Variants in KAT14 observed in about 807,000 individuals in gnomAD.
The protein encoded by KAT14 is cysteine-rich protein 2-binding protein.
In KAT14, 66 loss-of-function variants were observed where a neutral mutation model predicts 78.4. The observed-to-expected ratio is 0.84, with a 90% CI of 0.69 to 1.03. KAT14 has a LOEUF of 1.03. Ranked by LOEUF, KAT14 falls within the 50% of genes least tolerant of loss-of-function variation. The pLI is 0.00. For missense variants in KAT14, 870 were observed against 972.5 expected (o/e 0.89, Z 1.40); for synonymous variants, 344 against 359.4 (o/e 0.96, Z 0.48).
intron 4 of KAT14, among the ~76,000 whole-genome samples, chr20:18,152,833 T>C (rs2038097178): frequency 6.6e-6 from 1 of 152,264 alleles, no homozygotes; most frequent in African/African-American, 2.4e-5. Context: ...GTGTTTATCA[T>C]TGCGCTTTGA....
intron 7 of KAT14, among the ~76,000 whole-genome samples, chr20:18,169,878 C>G (rs985086344): frequency 1.3e-5 from 2 of 152,190 alleles, no homozygotes; most frequent in African/African-American, 4.8e-5. Flanking sequence ...GAGTGCACAA[C>G]TGATAAAAAA....
intron 4 of KAT14, among the ~76,000 whole-genome samples, chr20:18,154,399 G>A (rs1429491709): frequency 2.0e-5 from 3 of 151,982 alleles, no homozygotes; most frequent in Non-Finnish European, 2.9e-5. Flanking sequence ...TGCAACCTCC[G>A]CCTCCCAGGT....
rs1250356204 is a variant in KAT14, at chr20:18,164,940, GTTCTTA to G, written c.1668+2001_1668+2006del. 2.6e-5 allele frequency among the ~76,000 whole-genome samples: 4 copies of G among 152,074 alleles called. No individual in the cohort carries two copies. The East Asian group carries it at 7.7e-4, about 29-fold the overall frequency. On this transcript the variant is annotated intron_variant, in intron 7 of 10. Coordinates refer to ENST00000688188, the MANE Select transcript of KAT14 (RefSeq NM_001392073.1). ...CCTGGCCAATATTCACCTGTTCTTTGTTCTTATTCTTGTGGGCCTGTCTGTTTACTG... is the reference window on the plus strand; with the variant it reads ...CCTGGCCAATATTCACCTGTTCTTTGTTCTTGTGGGCCTGTCTGTTTACTG...
chr20:18,142,229 A>G lies in KAT14; in HGVS notation c.-432A>G. On this transcript the variant is annotated 5_prime_UTR_variant, in exon 2 of 11. Coordinates refer to ENST00000688188, the MANE Select transcript of KAT14 (RefSeq NM_001392073.1). ...TTAGAGGCTTCGTGACGGAGTTATCAGAGACATTGAGAGGCAAATTCGGAA... is the reference window on the plus strand; with the variant it reads ...TTAGAGGCTTCGTGACGGAGTTATCGGAGACATTGAGAGGCAAATTCGGAA... 2.0e-6 allele frequency: 3 copies of G among 1,537,222 alleles called. No individual in the cohort carries two copies. Among genetic ancestry groups the G allele is most frequent in the South Asian group, 1.2e-5 (1 of 84,064 alleles).
chr20:18,183,256 ATCCCAACGATCAACTCCATGTG>A lies in KAT14; in HGVS notation c.1942_1963del (p.Pro648ArgfsTer39). ...TTACTGTTATGTGCGGCCAAATCAC[ATCCCAACGATCAACTCCATGTG>A]TCAGGAGTTTTTTTGGCCTGGTATG... On this transcript the variant is annotated frameshift_variant, in exon 9 of 11. Coordinates refer to ENST00000688188, the MANE Select transcript of KAT14 (RefSeq NM_001392073.1). LOFTEE classifies it high-confidence loss of function. 6.2e-7 allele frequency: 1 copy of A among 1,613,994 alleles called. No individual in the cohort carries two copies. Among genetic ancestry groups the A allele is most frequent in the South Asian group, 1.1e-5 (1 of 91,056 alleles).
intron 4 of KAT14, among the ~76,000 whole-genome samples, chr20:18,151,706 AT>A (rs910355891): frequency 1.3e-5 from 2 of 151,794 alleles, no homozygotes; most frequent in African/African-American, 4.8e-5. Flanking sequence ...CTTTTTTAAG[AT>A]TAAAAAAAAA....
Position 18,160,657 on chromosome 20 carries a change from G to C in KAT14, c.683-1166G>C, listed in dbSNP as rs1020080052. Among the ~76,000 whole-genome samples, 5 of 151,660 alleles carry C rather than the reference G, an allele frequency of 3.3e-5. No individual in the cohort carries two copies. The East Asian group carries it at 9.7e-4, about 29-fold the overall frequency. ...AGATAGGGTCTCGCCATGTTTCCTG[G>C]GCTGGTCTTGAACTGTTGGGCTCAA... On this transcript the variant is annotated intron_variant, in intron 5 of 10. Coordinates refer to ENST00000688188, the MANE Select transcript of KAT14 (RefSeq NM_001392073.1).
chr20:18,138,353 T>C (rs1050252337), intron 1 of KAT14: 1 of 1,088,464 alleles, frequency 9.2e-7, no homozygotes, highest in Non-Finnish European at 1.1e-6. Flanking sequence ...ACGCAAGCTT[T>C]TGGGGTGCCC....
Position 18,162,678 on chromosome 20 carries a change from A to T in KAT14, c.1401A>T (p.Glu467Asp), listed in dbSNP as rs746779240. 6.2e-7 allele frequency: 1 copy of T among 1,614,250 alleles called. No individual in the cohort carries two copies. The highest frequency in any genetic ancestry group is 8.5e-7 in the Non-Finnish European group (1 of 1,180,038). The change falls in exon 7 of 11, where the codon GAA (glutamate) becomes GAT (aspartate). Residue 467 changes from glutamate (E) to aspartate (D), a missense_variant. By Grantham distance (45) the Glu-to-Asp change is conservative. Transcript: ENST00000688188. Reference sequence around the variant, plus strand: ...ATACTCCCGTGAGCATCTACGAGGAAAAGCTGCTGCTCAAGAGGCTGGAAG... The same window carrying T: ...ATACTCCCGTGAGCATCTACGAGGATAAGCTGCTGCTCAAGAGGCTGGAAG... ...PRYTPVSIYEEKLLLKRLEAC... is the reference protein window; with the variant it reads ...PRYTPVSIYEDKLLLKRLEAC...
chr20:18,179,947 C>A (rs2039189252), intron 7 of KAT14, among the ~76,000 whole-genome samples: 1 of 152,050 alleles, frequency 6.6e-6, no homozygotes, highest in African/African-American at 2.4e-5. Flanking sequence ...TGGCTCACTA[C>A]AACCTCTACC....
At chr20:18,155,323 T>A (rs1002279535) in intron 4 of KAT14, among the ~76,000 whole-genome samples, 1 of 152,206 alleles carries the variant, frequency 6.6e-6, no homozygotes, top group African/African-American at 2.4e-5. Context: ...TAATATGTTA[T>A]TAAAGTTTAA....
intron 7 of KAT14, among the ~76,000 whole-genome samples, chr20:18,165,475 G>A (rs1345118030): frequency 6.6e-6 from 1 of 152,132 alleles, no homozygotes; most frequent in East Asian, 1.9e-4. Context: ...GCTAAGAGAA[G>A]GGCACAGAAC....
chr20:18,144,082 T>G (rs1007796005), intron 2 of KAT14, among the ~76,000 whole-genome samples: 1 of 152,262 alleles, frequency 6.6e-6, no homozygotes, highest in Non-Finnish European at 1.5e-5. Context: ...GTAATATAAT[T>G]TGTAACCAAG....
At chr20:18,175,170 A>C (rs755692501) in intron 7 of KAT14, among the ~76,000 whole-genome samples, 69 of 151,958 alleles carry the variant, frequency 4.5e-4, no homozygotes, top group Middle Eastern at 3.4e-3. Flanking sequence ...TTTTTCCCAC[A>C]ATCAGCCACC....
At chr20:18,141,513 C>G (rs2037578459) in intron 1 of KAT14, among the ~76,000 whole-genome samples, 1 of 152,190 alleles carries the variant, frequency 6.6e-6, no homozygotes, top group Non-Finnish European at 1.5e-5. Context: ...AGGATAAGTG[C>G]TAACAGAAGA....
At chr20:18,181,618 C>T (rs2039255546) in intron 7 of KAT14, 92 bp from the exon 8 acceptor site, 2 of 1,567,318 alleles carry the variant, frequency 1.3e-6, no homozygotes, top group Non-Finnish European at 1.7e-6. Flanking sequence ...ATCCGCCTAC[C>T]TCAGCTTCCC....
chr20:18,182,524 T>C (rs867918489), intron 8 of KAT14, among the ~76,000 whole-genome samples: 8 of 152,352 alleles, frequency 5.3e-5, no homozygotes, highest in Middle Eastern at 3.4e-3. Flanking sequence ...ACTGGATGTA[T>C]ATGAAGCAGT....
In KAT14 at chr20:18,187,537, T is replaced by A; in HGVS notation, c.*78T>A. 6.3e-7 allele frequency: 1 copy of A among 1,589,524 alleles called. No homozygotes were observed. Among genetic ancestry groups the A allele is most frequent in the Non-Finnish European group, 8.5e-7 (1 of 1,171,840 alleles). ...TGGAGATCTAAAGGCAGTGATTGAT[T>A]TCACAGGGAGCTCTAATCTCTGTGA... On this transcript the variant is annotated 3_prime_UTR_variant, in exon 11 of 11. Coordinates refer to ENST00000688188, the MANE Select transcript of KAT14 (RefSeq NM_001392073.1).
chr20:18,164,491 G>A (rs1336937168), intron 7 of KAT14, among the ~76,000 whole-genome samples: 1 of 152,146 alleles, frequency 6.6e-6, no homozygotes, highest in Non-Finnish European at 1.5e-5. Flanking sequence ...CTTCCCTGAG[G>A]CTGTGTTTTG....
Sources: allele counts gnomAD v4.1 joint callset (sites outside exome capture counted in the v4.1 genomes callset), GRCh38; gene constraint gnomAD v4.1.1; transcripts MANE v1.5; gene names NCBI Gene and HGNC (gene_info 2026-07-23, HGNC 2026-07-21).